Variants in RUNX1T1 observed in about 807,000 individuals in gnomAD.
RUNX1T1 encodes protein CBFA2T1.
RUNX1T1 carries 4 observed loss-of-function variants against 62.8 expected under a neutral mutation model. The observed-to-expected ratio is 0.06, with a 90% CI of 0.03 to 0.15. RUNX1T1 has a LOEUF of 0.15. RUNX1T1 is among the 10% of genes least tolerant of loss of function. RUNX1T1 has a pLI of 1.00. For missense variants in RUNX1T1, 508 were observed against 754.3 expected (o/e 0.67, Z 3.82); for synonymous variants, 291 against 286.0 (o/e 1.02, Z -0.18).
At chr8:91,973,055 T>A (rs1346285373) in intron 9 of RUNX1T1, among the ~76,000 whole-genome samples, 1 of 152,014 alleles carries the variant, frequency 6.6e-6, no homozygotes, top group Non-Finnish European at 1.5e-5. Context: ...TATATTGTGT[T>A]ATTGGGGGCA....
intron 1 of RUNX1T1, among the ~76,000 whole-genome samples, chr8:92,032,427 A>G: frequency 6.6e-6 from 1 of 152,318 alleles, no homozygotes; most frequent in Non-Finnish European, 1.5e-5. Flanking sequence ...GTAAGTGCAT[A>G]TTTATTTAAT....
chr8:92,084,215 C>T (rs977369688), intron 1 of RUNX1T1, among the ~76,000 whole-genome samples: 4 of 142,342 alleles, frequency 2.8e-5, no homozygotes, highest in African/African-American at 1.1e-4. Context: ...CCTGCACGTT[C>T]TGCACATATA....
At chr8:92,033,216 T>C (rs1014377396) in intron 1 of RUNX1T1, among the ~76,000 whole-genome samples, 4 of 152,198 alleles carry the variant, frequency 2.6e-5, no homozygotes, top group African/African-American at 4.8e-5. Flanking sequence ...CAATAGGCAT[T>C]TGGCAATTCA....
chr8:91,969,743 G>C (rs1372560258), intron 10 of RUNX1T1, among the ~76,000 whole-genome samples: 4 of 152,030 alleles, frequency 2.6e-5, no homozygotes, highest in African/African-American at 9.7e-5. Flanking sequence ...AGAAAAGCCT[G>C]GTACAAATTA....
At chr8:92,026,368 G>A (rs963080583) in intron 1 of RUNX1T1, among the ~76,000 whole-genome samples, 4 of 152,156 alleles carry the variant, frequency 2.6e-5, no homozygotes, top group African/African-American at 9.7e-5. Flanking sequence ...AGGCTCAGAG[G>A]GATTGAAAAA....
At chr8:92,075,705 G>C (rs1834318435) in intron 2 of RUNX1T1, among the ~76,000 whole-genome samples, 1 of 151,922 alleles carries the variant, frequency 6.6e-6, no homozygotes, top group Non-Finnish European at 1.5e-5. Flanking sequence ...ACAAGAAGAG[G>C]GTGAAAAAAT....
At chr8:92,095,338 G>C (rs1222457955) in intron 1 of RUNX1T1, 15 of 1,533,900 alleles carry the variant, frequency 9.8e-6, no homozygotes, top group Non-Finnish European at 1.3e-5. Flanking sequence ...CCCTGTTCAC[G>C]GAGATTACCT....
chr8:91,980,411 T>C (rs945800403), intron 8 of RUNX1T1, among the ~76,000 whole-genome samples: 5 of 152,198 alleles, frequency 3.3e-5, no homozygotes, highest in Admixed American at 6.5e-5. Flanking sequence ...AAATATTTCA[T>C]TGGCTGGGAG....
intron 1 of RUNX1T1, among the ~76,000 whole-genome samples, chr8:92,034,743 T>C (rs546578345): frequency 1.3e-5 from 2 of 150,226 alleles, no homozygotes; most frequent in African/African-American, 4.9e-5. Context: ...TACATATATA[T>C]ACACATATAT....
chr8:91,991,641 A>T, exon 6 of RUNX1T1: 1 of 1,613,284 alleles, frequency 6.2e-7, no homozygotes, highest in Non-Finnish European at 8.5e-7. Context: ...AGTCTTACCC[A>T]TAGGTCTGTT....
At chr8:92,052,295 CAAGT>C (rs766343824) in intron 1 of RUNX1T1, among the ~76,000 whole-genome samples, 17 of 152,136 alleles carry the variant, frequency 1.1e-4, no homozygotes, top group Non-Finnish European at 1.8e-4. Flanking sequence ...CATTTGTTTA[CAAGT>C]AACTATCAGA....
intron 1 of RUNX1T1, among the ~76,000 whole-genome samples, chr8:92,058,118 C>G (rs996039445): frequency 1.3e-5 from 2 of 152,122 alleles, no homozygotes; most frequent in Non-Finnish European, 2.9e-5. Flanking sequence ...GCATGATCTA[C>G]TATGTTCAGG....
At chr8:91,969,520 A>T (rs1812333004) in intron 10 of RUNX1T1, among the ~76,000 whole-genome samples, 1 of 152,164 alleles carries the variant, frequency 6.6e-6, no homozygotes, top group South Asian at 2.1e-4. Flanking sequence ...TATCTTAGCC[A>T]CAAGATACCA....
exon 1 of RUNX1T1, chr8:92,062,601 G>A (rs1408837870): frequency 6.2e-7 from 1 of 1,613,954 alleles, no homozygotes; most frequent in East Asian, 2.2e-5. Context: ...CTAAAAGCAA[G>A]CGCGTTCCGG....
intron 5 of RUNX1T1, among the ~76,000 whole-genome samples, chr8:91,997,275 C>A (rs1818888008): frequency 6.6e-6 from 1 of 151,928 alleles, no homozygotes; most frequent in South Asian, 2.1e-4. Context: ...ATGAAAAAAT[C>A]CATCATAAAA....
chr8:91,957,517 G>A (rs1334766437), downstream of RUNX1T1: 2 of 231,630 alleles, frequency 8.6e-6, no homozygotes, highest in African/African-American at 4.4e-5. Flanking sequence ...TTTTGTATTT[G>A]TTTTCACTCA....
At chr8:91,970,660 C>T (rs769977778) in exon 10 of RUNX1T1, 5 of 1,599,122 alleles carry the variant, frequency 3.1e-6, no homozygotes, top group Non-Finnish European at 3.4e-6. Context: ...TGCCTCACCT[C>T]GCTTGAATCC....
At chr8:91,971,873 A>C (rs907954663) in intron 9 of RUNX1T1, among the ~76,000 whole-genome samples, 21 of 152,138 alleles carry the variant, frequency 1.4e-4, no homozygotes, top group Non-Finnish European at 4.4e-5. Context: ...AAAACAAGTA[A>C]TTTCCATTTT....
At chr8:92,054,086 T>C (rs553933239) in intron 1 of RUNX1T1, among the ~76,000 whole-genome samples, 1 of 150,374 alleles carries the variant, frequency 6.7e-6, no homozygotes, top group South Asian at 2.1e-4. Context: ...GTGATGTAAA[T>C]TGATGCCACA....
Sources: allele counts gnomAD v4.1 joint callset (sites outside exome capture counted in the v4.1 genomes callset), GRCh38; gene constraint gnomAD v4.1.1; transcripts MANE v1.5; gene names NCBI Gene and HGNC (gene_info 2026-07-23, HGNC 2026-07-21).